FBLN5: variants seen among roughly 807,000 people sequenced by gnomAD.
FBLN5 encodes fibulin 5, also known as fibulin-5.
FBLN5 carries 24 observed loss-of-function variants against 61.6 expected under a neutral mutation model. The observed-to-expected ratio is 0.39, with a 90% CI of 0.28 to 0.55. The LOEUF (loss-of-function observed/expected upper bound fraction) is 0.55. FBLN5 is among the 20% of genes least tolerant of loss of function. The probability of loss-of-function intolerance (pLI) is 0.65; values close to 1 mark genes in which losing one functional copy is unlikely to be tolerated. For synonymous variants in FBLN5, 213 were observed against 219.8 expected, an observed-to-expected ratio of 0.97 and a Z score of 0.27; for missense variants, 470 against 594.1, an observed-to-expected ratio of 0.79 and a Z score of 2.17.
In FBLN5 at chr14:91,870,311, C is replaced by T. The variant is rs1392227708; in HGVS notation, c.1260G>A (p.Leu420=). The stretch of plus-strand genomic sequence containing the variant: ...TGACAGTGTTGACAGTGATCATTTC[C>T]AAGTCCAGCTGGATTTCCCGGGGCC... The part of the protein sequence containing the change: ...IKGPREIQLD[L]EMITVNTVIN... Residue 420 remains leucine, a synonymous_variant, in exon 11 of 11, where the codon TTG becomes TTA. Transcript: ENST00000342058. 3.1e-6 allele frequency: 5 copies of T among 1,614,082 alleles called. No homozygotes were observed. Among genetic ancestry groups the T allele is most frequent in the Non-Finnish European group, 4.2e-6 (5 of 1,180,034 alleles).
In FBLN5 at chr14:91,882,835, C is replaced by G; in HGVS notation, c.862+119G>C. ...AGCCACCAGCACCCACTCACACCCC[C>G]ACCCCTGCCACCTTCCCAAAGCTGC... On this transcript the variant is annotated intron_variant, in intron 8 of 10. Transcript: ENST00000342058. This position sits in a 1 kb window ranked among gnomAD's most constrained non-coding sequence, Gnocchi z 4.9. The G allele has an allele frequency of 5.0e-6, 6 of 1,196,278 alleles. No individual in the cohort carries two copies. The highest frequency in any genetic ancestry group is 6.0e-6 in the Non-Finnish European group (5 of 833,344). 74.1% of individuals were successfully genotyped at this position (1,196,278 alleles called of 1,614,324 possible).
intron 6 of FBLN5, among the ~76,000 whole-genome samples, chr14:91,889,105 G>A (rs916446542): frequency 1.3e-5 from 2 of 152,222 alleles, no homozygotes. Context: ...ATGAACAGCT[G>A]TAGAGAGAGG....
At chr14:91,908,937 G>C (rs1414095011) in intron 4 of FBLN5, among the ~76,000 whole-genome samples, 2 of 151,102 alleles carry the variant, frequency 1.3e-5, no homozygotes, top group Non-Finnish European at 2.9e-5. Flanking sequence ...TATTTTTTTT[G>C]AGATGGAGTC....
chr14:91,936,892 A>G, intron 4 of FBLN5, 55 bp downstream of exon 4: 1 of 1,610,808 alleles, frequency 6.2e-7, no homozygotes, highest in Non-Finnish European at 8.5e-7. Context: ...TGCCAGATAC[A>G]GACGATGTCT....
At chr14:91,909,074 C>T (rs1013495030) in intron 4 of FBLN5, among the ~76,000 whole-genome samples, 13 of 152,204 alleles carry the variant, frequency 8.5e-5, no homozygotes, top group East Asian at 5.8e-4. Flanking sequence ...CCCACCACCA[C>T]GCCCGGCTAA....
intron 5 of FBLN5, among the ~76,000 whole-genome samples, chr14:91,891,610 G>A (rs949861097): frequency 1.3e-5 from 2 of 152,178 alleles, no homozygotes; most frequent in East Asian, 1.9e-4. Flanking sequence ...TTTCTGCTTC[G>A]ATTGGGATGT....
chr14:91,905,142 G>C (rs1269408885), intron 4 of FBLN5, among the ~76,000 whole-genome samples: 1 of 152,114 alleles, frequency 6.6e-6, no homozygotes, highest in African/African-American at 2.4e-5. Context: ...CTCAGAGCAT[G>C]ATCATGAAAT....
At chr14:91,945,170 G>A (rs2056164106) in intron 1 of FBLN5, among the ~76,000 whole-genome samples, 2 of 151,452 alleles carry the variant, frequency 1.3e-5, no homozygotes, top group South Asian at 4.2e-4. Flanking sequence ...GGCAGAGGTT[G>A]CAGGGAGCCG....
chr14:91,947,535 T>C lies in FBLN5; in HGVS notation c.-306A>G, dbSNP rs2056203859. 1 of 516,234 alleles carries C rather than the reference T, an allele frequency of 1.9e-6. No individual in the cohort carries two copies. The allele number at this position is 516,234 out of a possible 1,614,324, so 32.0% of individuals were successfully genotyped here. A position where few individuals can be genotyped will look rare whatever the true frequency, so the allele number is the denominator to read the frequency against. Reference sequence around the variant, plus strand: ...TTCTAAGTATGTTAAACAATGCAAATGGGGCCTCAGTCTGGACACAGCTGG... The same window carrying C: ...TTCTAAGTATGTTAAACAATGCAAACGGGGCCTCAGTCTGGACACAGCTGG... On this transcript the variant is annotated 5_prime_UTR_variant, in exon 1 of 11. Transcript: ENST00000342058. This position sits in a 1 kb window ranked among gnomAD's most constrained non-coding sequence, Gnocchi z 4.3.
At chr14:91,931,826 T>C (rs1766350053) in intron 4 of FBLN5, among the ~76,000 whole-genome samples, 1 of 152,274 alleles carries the variant, frequency 6.6e-6, no homozygotes, top group Admixed American at 6.5e-5. Context: ...GACCCGGTCT[T>C]AGAGGCAGCG....
intron 4 of FBLN5, among the ~76,000 whole-genome samples, chr14:91,913,582 T>C (rs1483558512): frequency 6.6e-6 from 1 of 152,222 alleles, no homozygotes; most frequent in Non-Finnish European, 1.5e-5. Flanking sequence ...TGCCCATTTG[T>C]GGAGTTATTT....
intron 9 of FBLN5, among the ~76,000 whole-genome samples, chr14:91,879,442 C>T (rs1339302789): frequency 2.0e-5 from 3 of 152,172 alleles, no homozygotes; most frequent in South Asian, 2.1e-4. Flanking sequence ...AAGGGGCTGC[C>T]GGAGTCTGAC....
chr14:91,942,799 A>G (rs2056126547), intron 2 of FBLN5, 108 bp downstream of exon 2: 4 of 734,252 alleles, frequency 5.4e-6, no homozygotes. Flanking sequence ...GGTCAACTGT[A>G]AAGCCACTCC....
chr14:91,882,062 C>A lies in FBLN5; in HGVS notation c.863-644G>T, dbSNP rs1411063735. Among the ~76,000 whole-genome samples, 4 of 151,922 alleles carry A rather than the reference C, an allele frequency of 2.6e-5. No homozygotes were observed. The highest frequency in any genetic ancestry group is 6.6e-5 in the Admixed American group (1 of 15,248). On this transcript the variant is annotated intron_variant, in intron 8 of 10. Transcript: ENST00000342058. This position sits in a 1 kb window ranked among gnomAD's most constrained non-coding sequence, Gnocchi z 4.9. ...GTCCCAGCTACTTGGGAGGCTGAGG[C>A]AGGAGAATTGCTTGAACCCGGGAGG...
At chr14:91,881,126 CACA>C (rs779665387) in intron 9 of FBLN5, among the ~76,000 whole-genome samples, 163 bp downstream of exon 9, 13 of 150,190 alleles carry the variant, frequency 8.7e-5, no homozygotes, top group African/African-American at 3.0e-4. Context: ...ATTCTACACA[CACA>C]CACACACACA....
At chr14:91,936,240 A>T (rs2056013212) in intron 4 of FBLN5, among the ~76,000 whole-genome samples, 1 of 152,162 alleles carries the variant, frequency 6.6e-6, no homozygotes. Flanking sequence ...ATAAAACTTC[A>T]ATTCATATAT....
At chr14:91,940,682 A>G in intron 2 of FBLN5, 66 bp from the exon 3 acceptor site, 1 of 1,414,022 alleles carries the variant, frequency 7.1e-7, no homozygotes. Flanking sequence ...TATTGCTGCA[A>G]CACAGAAAGT....
chr14:91,924,790 C>T (rs138417998), intron 4 of FBLN5, among the ~76,000 whole-genome samples: 2 of 152,180 alleles, frequency 1.3e-5, no homozygotes, highest in East Asian at 1.9e-4. Context: ...GTACAGGGTG[C>T]TGTGGTCACC....
In FBLN5 at chr14:91,881,431, G is replaced by A. The variant is rs74071606; in HGVS notation, c.863-13C>T. The A allele has an allele frequency of 2.4e-3, 3,952 of 1,614,058 alleles. 84 individuals carry two copies. In the African/African-American group the frequency reaches 0.045, roughly 19 times the overall value. Reference sequence around the variant, plus strand: ...CATTCGTTGATGTCTGAAATGCAGGGGAGACAAGAAGCGGAGGCAGGGCAT... The same window carrying A: ...CATTCGTTGATGTCTGAAATGCAGGAGAGACAAGAAGCGGAGGCAGGGCAT... On this transcript the variant is annotated splice_polypyrimidine_tract_variant and intron_variant, in intron 8 of 10. Transcript: ENST00000342058.
Sources: gnomAD v4.1 joint callset for allele counts (sites outside exome capture counted in the v4.1 genomes callset) on GRCh38, gnomAD v4.1.1 for gene constraint, Gnocchi (gnomAD v3.1) non-coding constraint, MANE v1.5 for transcripts, NCBI Gene and HGNC (gene_info 2026-07-23, HGNC 2026-07-21) for gene names.